BANP: variants seen among roughly 807,000 people sequenced by gnomAD.
BANP encodes the protein BTG3 associated nuclear protein, also known as protein BANP.
In BANP, 11 loss-of-function variants were observed where a neutral mutation model predicts 68.1. The observed-to-expected ratio is 0.16, with a 90% CI of 0.10 to 0.27. The LOEUF (loss-of-function observed/expected upper bound fraction) is 0.27. Ranked by LOEUF, BANP falls within the 10% of genes least tolerant of loss-of-function variation. BANP has a pLI of 1.00. For missense variants in BANP, 504 were observed against 722.7 expected, an observed-to-expected ratio of 0.70 and a Z score of 3.47; for synonymous variants, 329 against 303.2, an observed-to-expected ratio of 1.09 and a Z score of -0.88.
At chr16:88,075,988 C>T (rs2091528871) in intron 13 of BANP, among the ~76,000 whole-genome samples, 2 of 152,166 alleles carry the variant, frequency 1.3e-5, no homozygotes, top group Non-Finnish European at 2.9e-5. Context: ...TCAAGTGATT[C>T]ACCTGCCTCA....
Position 88,077,294 on chromosome 16 carries a change from G to A in BANP, c.*633G>A, listed in dbSNP as rs1246738706. ...AACACTGTAATTATGCATTTCTAAT[G>A]AAATAAAATGTATTTATGACCACAG... is the stretch of plus-strand genomic sequence containing the variant. On this transcript the variant is annotated 3_prime_UTR_variant, in exon 14 of 14. Transcript: ENST00000682872. The A allele has an allele frequency of 6.6e-6, 1 of 152,334 alleles. No individual in the cohort carries two copies. Among genetic ancestry groups the A allele is most frequent in the African/African-American group, 2.4e-5 (1 of 41,482 alleles). 9.4% of individuals were successfully genotyped at this position (152,334 alleles called of 1,614,324 possible).
chr16:87,997,283 C>G (rs2067517632), intron 4 of BANP, among the ~76,000 whole-genome samples: 1 of 152,216 alleles, frequency 6.6e-6, no homozygotes, highest in African/African-American at 2.4e-5. Flanking sequence ...TTAAATCCAT[C>G]AAAGTAAAAC....
At chr16:88,035,084 T>C in intron 9 of BANP, 1 of 520,750 alleles carries the variant, frequency 1.9e-6, no homozygotes, top group Non-Finnish European at 3.5e-6. Context: ...CCACAGTTTC[T>C]GGCGTCCACG....
At chr16:88,060,850 G>T (rs546485267) in intron 11 of BANP, among the ~76,000 whole-genome samples, 1 of 151,408 alleles carries the variant, frequency 6.6e-6, no homozygotes, top group Non-Finnish European at 1.5e-5. Context: ...ACTCTTCGTC[G>T]TCCCCTGCCC....
chr16:87,971,613 ATCTTGGTGTTCTG>A (rs1247772569), intron 1 of BANP, among the ~76,000 whole-genome samples: 8 of 132,502 alleles, frequency 6.0e-5, no homozygotes, highest in Non-Finnish European at 1.4e-4. Context: ...ATTGGGCTGT[ATCTTGGTGTTCTG>A]TCTTGGTGTT....
Position 87,952,932 on chromosome 16 carries a change from G to A in BANP, c.-69+1417G>A, listed in dbSNP as rs140013414. ...TCGGACCACAGACGCCACCACCCCG[G>A]CTAATTTTTGTATTTTTCGTAGAGA... On this transcript the variant is annotated intron_variant, in intron 1 of 13. Coordinates refer to ENST00000682872, the MANE Select transcript of BANP (RefSeq NM_001386991.1). Among the ~76,000 whole-genome samples the A allele has an allele frequency of 6.0e-3, 916 of 152,256 alleles. 8 individuals are homozygous for A. The highest frequency in any genetic ancestry group is 0.02 in the African/African-American group (849 of 41,534).
At chr16:87,953,957 G>A (rs1161717051) in intron 1 of BANP, among the ~76,000 whole-genome samples, 10 of 152,304 alleles carry the variant, frequency 6.6e-5, no homozygotes, top group Middle Eastern at 3.4e-3. Context: ...AACGCTCTTG[G>A]ATCTTCTCTT....
At chr16:88,059,861 C>CT (rs142663064) in intron 11 of BANP, among the ~76,000 whole-genome samples, 6,905 of 152,308 alleles carry the variant, frequency 0.045, 268 homozygotes, top group Non-Finnish European at 0.061. Context: ...GTCAGATGCA[C>CT]TTGAGACCCG....
intron 8 of BANP, among the ~76,000 whole-genome samples, chr16:88,030,632 G>A (rs183663498): frequency 4.0e-4 from 61 of 152,360 alleles, no homozygotes; most frequent in African/African-American, 1.5e-3. Flanking sequence ...GAGCTGAAAT[G>A]TCACAGCTGG....
Position 88,036,579 on chromosome 16 carries a change from G to A in BANP, c.1272+1185G>A, listed in dbSNP as rs1342922687. Among the ~76,000 whole-genome samples the A allele has an allele frequency of 2.0e-5, 3 of 152,162 alleles. No individual in the cohort carries two copies. The highest frequency in any genetic ancestry group is 7.2e-5 in the African/African-American group (3 of 41,422). On this transcript the variant is annotated intron_variant, in intron 10 of 13. Transcript: ENST00000682872. This position sits in a 1 kb window ranked among gnomAD's most constrained non-coding sequence, Gnocchi z 4.2. The stretch of plus-strand genomic sequence containing the variant: ...TTTGGACACCAGCAGTTCCCGGTGG[G>A]TTATCCTGAGAGGGGAGCACATGCG...
intron 1 of BANP, among the ~76,000 whole-genome samples, chr16:87,963,205 G>A (rs982382211): frequency 2.0e-5 from 3 of 152,144 alleles, no homozygotes; most frequent in Non-Finnish European, 4.4e-5. Context: ...TGGGAGCTTG[G>A]TGGCCGTGGT....
At chr16:87,984,551 T>G (rs180828973) in intron 4 of BANP, among the ~76,000 whole-genome samples, 2 of 152,394 alleles carry the variant, frequency 1.3e-5, no homozygotes, top group East Asian at 3.8e-4. Context: ...TACATGTGCT[T>G]CTTTCCTTTT....
chr16:87,969,238 TGTTG>T (rs1271843926), intron 1 of BANP, among the ~76,000 whole-genome samples: 2 of 151,978 alleles, frequency 1.3e-5, no homozygotes, highest in African/African-American at 4.8e-5. Context: ...GTTTTGTTGT[TGTTG>T]TTGTTGTTGT....
intron 4 of BANP, among the ~76,000 whole-genome samples, chr16:87,995,106 G>A (rs529235068): frequency 4.9e-4 from 75 of 152,334 alleles, no homozygotes; most frequent in African/African-American, 1.8e-3. Flanking sequence ...CTGTGTCCTG[G>A]AAGTGACACA....
At position 87,981,046 on chromosome 16, in the gene BANP, G is replaced by C. The variant is rs147646358; in HGVS notation, c.81G>C (p.Glu27Asp). 4.2e-5 allele frequency: 67 copies of C among 1,612,214 alleles called. No homozygotes were observed. In the African/African-American group the frequency reaches 8.7e-4, roughly 21 times the overall value. The change falls in exon 3 of 14, where the codon GAG becomes GAC. Residue 27 changes from glutamate to aspartate, a missense_variant. Transcript: ENST00000682872. ...TGTCACTGATTTCAGTTGTTTTGGA[G>C]AATCATGTAGTGACAGATGAAGACG... Reference protein sequence around the residue: ...DLSPDHPVVLENHVVTDEDEP... With the variant: ...DLSPDHPVVLDNHVVTDEDEP...
chr16:88,065,154 C>T (rs1038466894), intron 11 of BANP, 113 bp from the exon 12 acceptor site: 17 of 590,542 alleles, frequency 2.9e-5, no homozygotes, highest in South Asian at 5.9e-5. Flanking sequence ...CCACAGACCC[C>T]GTGGCTTTAC....
At chr16:88,010,338 C>A (rs112115953) in intron 6 of BANP, among the ~76,000 whole-genome samples, 1 of 152,200 alleles carries the variant, frequency 6.6e-6, no homozygotes, top group African/African-American at 2.4e-5. Flanking sequence ...TTAGGTACTT[C>A]ATTTCAGTGG....
At chr16:88,052,205 T>C (rs1159631823) in intron 11 of BANP, among the ~76,000 whole-genome samples, 9 of 152,186 alleles carry the variant, frequency 5.9e-5, no homozygotes, top group African/African-American at 1.9e-4. Context: ...TCACTTCAGC[T>C]CAAATGTAGC....
intron 7 of BANP, among the ~76,000 whole-genome samples, chr16:88,022,950 G>A (rs1037001615): frequency 1.6e-4 from 25 of 152,180 alleles, no homozygotes; most frequent in Non-Finnish European, 3.1e-4. Flanking sequence ...GTCACATTCT[G>A]GGGTCCTGGA....
Sources: allele counts gnomAD v4.1 joint callset (sites outside exome capture counted in the v4.1 genomes callset), GRCh38; gene constraint gnomAD v4.1.1; non-coding constraint Gnocchi (gnomAD v3.1); transcripts MANE v1.5; gene names NCBI Gene and HGNC (gene_info 2026-07-23, HGNC 2026-07-21).